The following DOCK4 variants were observed in gnomAD, a reference collection of about 807,000 sequenced individuals.
The protein encoded by DOCK4 is dedicator of cytokinesis 4.
DOCK4 carries 97 observed loss-of-function variants against 268.1 expected under a neutral mutation model. The observed-to-expected ratio is 0.36, with a 90% CI of 0.31 to 0.43. The LOEUF (loss-of-function observed/expected upper bound fraction) is 0.43. Ranked by LOEUF, DOCK4 falls within the 20% of genes least tolerant of loss-of-function variation. The pLI, the probability that DOCK4 is intolerant of heterozygous loss-of-function variation, is 1.00. For synonymous variants in DOCK4, 954 were observed against 887.2 expected, an observed-to-expected ratio of 1.08 and a Z score of -1.34; for missense variants, 2,145 against 2,455.7, an observed-to-expected ratio of 0.87 and a Z score of 2.67.
intron 30 of DOCK4, among the ~76,000 whole-genome samples, chr7:111,806,748 C>T (rs1800705258): frequency 6.6e-6 from 1 of 152,126 alleles, no homozygotes; most frequent in Non-Finnish European, 1.5e-5. Context: ...TTCAGTAGGT[C>T]TAAGGTGGAG....
intron 41 of DOCK4, 98 bp from the exon 42 acceptor site, chr7:111,755,699 A>T (rs764341564): frequency 5.6e-6 from 6 of 1,071,600 alleles, no homozygotes; most frequent in Admixed American, 1.9e-5. Context: ...GGCTTTGCTT[A>T]TTCCTGTCAG....
intron 36 of DOCK4, among the ~76,000 whole-genome samples, chr7:111,770,579 T>C (rs1415988108): frequency 2.0e-5 from 3 of 152,158 alleles, no homozygotes; most frequent in Admixed American, 1.3e-4. Flanking sequence ...TCTCTCCTTT[T>C]CCTGAATTGT....
intron 44 of DOCK4, among the ~76,000 whole-genome samples, chr7:111,745,256 C>T (rs1463606977): frequency 2.6e-5 from 4 of 152,172 alleles, no homozygotes; most frequent in Non-Finnish European, 5.9e-5. Flanking sequence ...GTTTACTTTG[C>T]AAAATATGAC....
chr7:111,820,434 C>T (rs192205611), intron 27 of DOCK4: 44 of 152,318 alleles, frequency 2.9e-4, no homozygotes, highest in African/African-American at 1.0e-3. Flanking sequence ...TGGGAGTAAC[C>T]TTCTGTTTAA....
intron 8 of DOCK4, among the ~76,000 whole-genome samples, chr7:111,972,356 C>T (rs566927371): frequency 3.2e-4 from 49 of 151,968 alleles, no homozygotes; most frequent in African/African-American, 1.2e-3. Context: ...AGCTTGGTCA[C>T]CTTCTCTAGC....
chr7:111,888,933 A>C lies in DOCK4; in HGVS notation c.1587+6679T>G, dbSNP rs1289796264. Among the ~76,000 whole-genome samples the C allele has an allele frequency of 4.6e-5, 7 of 152,076 alleles. 1 individual carries two copies. Among genetic ancestry groups the C allele is most frequent in the Admixed American group, 3.9e-4 (6 of 15,258 alleles). ...CAGACACTAGACACCTGGCTTAGGA[A>C]GAGGGGCTCTCTACTCCAGCAGCTA... On this transcript the variant is annotated intron_variant, in intron 16 of 52. Coordinates refer to ENST00000428084, the MANE Select transcript of DOCK4 (RefSeq NM_001363540.2).
At chr7:111,870,935 A>G (rs1806374509) in intron 20 of DOCK4, among the ~76,000 whole-genome samples, 2 of 152,222 alleles carry the variant, frequency 1.3e-5, no homozygotes, top group South Asian at 4.1e-4. Flanking sequence ...CCGATGTTTC[A>G]AAACTATTCC....
At chr7:112,166,465 G>A (rs565602353) in intron 1 of DOCK4, among the ~76,000 whole-genome samples, 95 of 152,220 alleles carry the variant, frequency 6.2e-4, no homozygotes, top group African/African-American at 2.1e-3. Flanking sequence ...GTGTATGTGC[G>A]TACGTTATTC....
rs1798974138 is a variant in DOCK4 at position 111,783,942 on chromosome 7, T to G, written c.3439A>C (p.Lys1147Gln). ...LFGPYPSLLK[K>Q]IERETWRESG... ...TCCCGCCATGTTTCCCGCTCAATTT[T>G]CTTTAGTAGACTGGAAAAGAAAGAA... is the stretch of plus-strand genomic sequence containing the variant. The change falls in exon 34 of 53, where the codon AAA becomes CAA. Residue 1147 changes from lysine (K) to glutamine (Q), a missense_variant. Physicochemically the swap from Lys to Gln is moderately conservative, Grantham distance 53. Coordinates refer to ENST00000428084, the MANE Select transcript of DOCK4 (RefSeq NM_001363540.2). 6.2e-7 allele frequency: 1 copy of G among 1,603,464 alleles called. No homozygotes were observed. The highest frequency in any genetic ancestry group is 8.5e-7 in the Non-Finnish European group (1 of 1,174,790).
rs369537393 is a variant in DOCK4 at position 111,900,509 on chromosome 7, G to A, written c.1345C>T (p.Pro449Ser). 2 of 1,611,806 alleles carry A rather than the reference G, an allele frequency of 1.2e-6. No homozygotes were observed. Among genetic ancestry groups the A allele is most frequent in the African/African-American group, 2.7e-5 (2 of 74,894 alleles). The change falls in exon 15 of 53, where the codon CCA becomes TCA. Residue 449 changes from proline (P) to serine (S), a missense_variant. By Grantham distance (74) the Pro-to-Ser change is moderately conservative. Coordinates refer to ENST00000428084, the MANE Select transcript of DOCK4 (RefSeq NM_001363540.2). ...KDFISFGSGE[P>S]PASEYHSFVL... ...AAGGAGTGGTACTCACTGGCTGGTG[G>A]CTCCCCAGAGCCGAAGGAGATAAAA... is the stretch of plus-strand genomic sequence containing the variant.
At chr7:111,855,954 C>T (rs983714259) in intron 23 of DOCK4, among the ~76,000 whole-genome samples, 1 of 152,128 alleles carries the variant, frequency 6.6e-6, no homozygotes. Flanking sequence ...TAGAGCCTGG[C>T]ATTTCTGTCT....
chr7:112,113,734 A>ATTTTTTTTTTTTTTTTTTTTTTTTT (rs57672966), intron 1 of DOCK4, among the ~76,000 whole-genome samples: 3 of 49,506 alleles, frequency 6.1e-5, no homozygotes, highest in Non-Finnish European at 1.1e-4. Flanking sequence ...TACTTGGCTG[A>ATTTTTTTTTTTTTTTTTTTTTTTTT]TTTTTTTTTT....
At chr7:111,911,235 G>A (rs2134490859) in intron 13 of DOCK4, among the ~76,000 whole-genome samples, 1 of 152,244 alleles carries the variant, frequency 6.6e-6, no homozygotes, top group African/African-American at 2.4e-5. Context: ...GTGTAACATT[G>A]GGATCAGAAA....
chr7:112,178,217 G>C (rs902502047), intron 1 of DOCK4, among the ~76,000 whole-genome samples: 1 of 152,212 alleles, frequency 6.6e-6, no homozygotes, highest in Non-Finnish European at 1.5e-5. Context: ...TCGTGTTCTT[G>C]CTTCAAGATT....
intron 1 of DOCK4, among the ~76,000 whole-genome samples, chr7:112,087,687 C>T (rs1809227454): frequency 6.6e-6 from 1 of 152,088 alleles, no homozygotes; most frequent in Admixed American, 6.5e-5. Context: ...TGTCAGACAG[C>T]TTCATTTTGG....
intron 20 of DOCK4, among the ~76,000 whole-genome samples, chr7:111,870,209 A>T (rs1044109867): frequency 6.6e-6 from 1 of 151,598 alleles, no homozygotes; most frequent in Admixed American, 6.6e-5. Flanking sequence ...GGCCAAGGTA[A>T]TTTTTTTTCC....
At position 111,983,503 on chromosome 7, in the gene DOCK4, G is replaced by A. The variant is rs547753838; in HGVS notation, c.549+803C>T. Among the ~76,000 whole-genome samples the A allele has an allele frequency of 1.6e-4, 25 of 152,074 alleles. No homozygotes were observed. In the South Asian group the frequency reaches 3.9e-3, roughly 24 times the overall value. The stretch of plus-strand genomic sequence containing the variant: ...CCCAACCACCCTCTTCTCTGATTTT[G>A]GATTTTCAGAACTTAGTTAATATCA... On this transcript the variant is annotated intron_variant, in intron 7 of 52. Coordinates refer to ENST00000428084, the MANE Select transcript of DOCK4 (RefSeq NM_001363540.2).
At chr7:112,081,914 C>G (rs956183552) in intron 1 of DOCK4, among the ~76,000 whole-genome samples, 1 of 152,022 alleles carries the variant, frequency 6.6e-6, no homozygotes, top group African/African-American at 2.4e-5. Flanking sequence ...CTCATGAGTC[C>G]AGAGACAGAC....
chr7:112,032,186 T>G (rs1803340046), intron 1 of DOCK4, among the ~76,000 whole-genome samples: 1 of 152,200 alleles, frequency 6.6e-6, no homozygotes, highest in Non-Finnish European at 1.5e-5. Flanking sequence ...GGAAAAGTAT[T>G]TTGTTATTCT....
Sources: gnomAD v4.1 joint callset for allele counts (sites outside exome capture counted in the v4.1 genomes callset) on GRCh38, gnomAD v4.1.1 for gene constraint, MANE v1.5 for transcripts, NCBI Gene and HGNC (gene_info 2026-07-23, HGNC 2026-07-21) for gene names.